Variants in SIL1 observed in about 807,000 individuals in gnomAD.
SIL1 encodes the protein nucleotide exchange factor SIL1.
Under a neutral mutation model 49.1 loss-of-function variants are expected in SIL1, and 40 were observed. The observed-to-expected ratio is 0.81, with a 90% CI of 0.63 to 1.06. The LOEUF is 1.06. Ranked by LOEUF, SIL1 falls within the 50% of genes least tolerant of loss-of-function variation. SIL1 has a pLI of 0.00. For missense variants in SIL1, 500 were observed against 572.6 expected (o/e 0.87, Z 1.29); for synonymous variants, 253 against 250.8 (o/e 1.01, Z -0.08).
intron 3 of SIL1, among the ~76,000 whole-genome samples, chr5:139,112,606 C>G (rs1028371934): frequency 1.1e-4 from 16 of 149,414 alleles, no homozygotes; most frequent in African/African-American, 3.5e-4. Flanking sequence ...TGTCTCCGCC[C>G]GGCAGCCAAC....
At chr5:139,160,555 G>A (rs142967504) in intron 1 of SIL1, among the ~76,000 whole-genome samples, 1 of 152,284 alleles carries the variant, frequency 6.6e-6, no homozygotes, top group Non-Finnish European at 1.5e-5. Context: ...AAAAGGGAGC[G>A]AGGCCAGGTG....
At chr5:139,019,963 T>C (rs1434033621) in intron 7 of SIL1, among the ~76,000 whole-genome samples, 1 of 152,192 alleles carries the variant, frequency 6.6e-6, no homozygotes, top group Admixed American at 6.5e-5. Context: ...TTCCTGGACT[T>C]CCTCATGACT....
intron 5 of SIL1, among the ~76,000 whole-genome samples, chr5:139,034,731 A>G (rs927732383): frequency 1.3e-5 from 2 of 152,224 alleles, no homozygotes; most frequent in Non-Finnish European, 2.9e-5. Flanking sequence ...TCAAAAACAT[A>G]TGCATGTGTG....
At chr5:139,138,970 C>G (rs1211547981) in intron 1 of SIL1, among the ~76,000 whole-genome samples, 1 of 152,210 alleles carries the variant, frequency 6.6e-6, no homozygotes, top group Non-Finnish European at 1.5e-5. Flanking sequence ...CTGGCTGGCT[C>G]TGCATCAGTG....
intron 3 of SIL1, among the ~76,000 whole-genome samples, chr5:139,116,613 A>C (rs1167220594): frequency 6.6e-6 from 1 of 152,186 alleles, no homozygotes; most frequent in Non-Finnish European, 1.5e-5. Context: ...AGGTGTATAT[A>C]CATAGATATA....
chr5:138,966,926 A>G (rs891529225), intron 7 of SIL1, among the ~76,000 whole-genome samples: 6 of 152,234 alleles, frequency 3.9e-5, no homozygotes, highest in Admixed American at 6.5e-5. Flanking sequence ...GCCAGGAAGG[A>G]GGCCTTAACT....
intron 7 of SIL1, among the ~76,000 whole-genome samples, chr5:138,956,459 A>G (rs1408999376): frequency 6.6e-6 from 1 of 152,154 alleles, no homozygotes; most frequent in Non-Finnish European, 1.5e-5. Context: ...GATACAAACA[A>G]TTGGCTGGGC....
intron 3 of SIL1, among the ~76,000 whole-genome samples, chr5:139,096,076 C>G (rs1437098204): frequency 6.6e-6 from 1 of 152,136 alleles, no homozygotes; most frequent in African/African-American, 2.4e-5. Context: ...GGATTGCTAA[C>G]GCCCACCCCC....
At chr5:139,145,647 T>C (rs1751180126) in intron 1 of SIL1, among the ~76,000 whole-genome samples, 1 of 122,232 alleles carries the variant, frequency 8.2e-6, no homozygotes, top group Non-Finnish European at 1.7e-5. Flanking sequence ...TGTGTGTGTG[T>C]GTGTGTGTGT....
intron 7 of SIL1, among the ~76,000 whole-genome samples, chr5:139,012,085 G>C (rs748731100): frequency 6.6e-6 from 1 of 151,942 alleles, no homozygotes; most frequent in Non-Finnish European, 1.5e-5. Flanking sequence ...ATGGAGTCTC[G>C]CTCTGTTGCC....
At chr5:139,120,995 T>G (rs1448160227) in intron 3 of SIL1, 40 bp downstream of exon 3, 1 of 1,612,812 alleles carries the variant, frequency 6.2e-7, no homozygotes, top group Non-Finnish European at 8.5e-7. Flanking sequence ...GCAGTTTGAA[T>G]TCAAAGTGTG....
intron 7 of SIL1, among the ~76,000 whole-genome samples, chr5:138,988,259 C>T (rs541313191): frequency 1.4e-4 from 22 of 152,316 alleles, no homozygotes; most frequent in African/African-American, 5.1e-4. Context: ...ACAGAACAGT[C>T]CCAGCACAAT....
At chr5:138,966,716 A>T (rs1232536922) in intron 7 of SIL1, among the ~76,000 whole-genome samples, 1 of 152,174 alleles carries the variant, frequency 6.6e-6, no homozygotes, top group Non-Finnish European at 1.5e-5. Context: ...TTCAAGCATT[A>T]AATCATGCCA....
chr5:138,964,969 G>C (rs185503192), intron 7 of SIL1, among the ~76,000 whole-genome samples: 6 of 152,226 alleles, frequency 3.9e-5, no homozygotes, highest in African/African-American at 1.2e-4. Context: ...ACAAGAAAGC[G>C]TGGGGAAGCT....
At chr5:139,056,181 G>C (rs1199754992) in intron 3 of SIL1, among the ~76,000 whole-genome samples, 2 of 151,166 alleles carry the variant, frequency 1.3e-5, no homozygotes, top group Non-Finnish European at 3.0e-5. Context: ...AGTCTGGAAA[G>C]TGAGGAGCGT....
At chr5:139,131,776 G>C (rs984835540) in intron 1 of SIL1, 10 of 152,584 alleles carry the variant, frequency 6.6e-5, no homozygotes, top group African/African-American at 2.4e-4. Context: ...GAGGGGCCAG[G>C]CTGGGTGAGG....
At chr5:138,998,856 T>C (rs1223961665) in intron 7 of SIL1, among the ~76,000 whole-genome samples, 2 of 58,244 alleles carry the variant, frequency 3.4e-5, no homozygotes, top group Non-Finnish European at 7.1e-5. Flanking sequence ...TCTTTCCTTT[T>C]TTTTTTTTTT....
At chr5:139,031,989 T>C (rs541373218) in intron 5 of SIL1, among the ~76,000 whole-genome samples, 1 of 152,366 alleles carries the variant, frequency 6.6e-6, no homozygotes, top group East Asian at 1.9e-4. Context: ...TGAACTCACT[T>C]ATTAATTCTA....
At chr5:139,108,256 A>C (rs192972282) in intron 3 of SIL1, 77 of 152,238 alleles carry the variant, frequency 5.1e-4, no homozygotes, top group African/African-American at 1.8e-3. Flanking sequence ...CTGAGACCTC[A>C]CTCTGGACTG....
Sources: gnomAD v4.1 joint callset for allele counts (sites outside exome capture counted in the v4.1 genomes callset) on GRCh38, gnomAD v4.1.1 for gene constraint, MANE v1.5 for transcripts, NCBI Gene and HGNC (gene_info 2026-07-23, HGNC 2026-07-21) for gene names.